TSHZ2: variants seen among roughly 807,000 people sequenced by gnomAD.
The protein encoded by TSHZ2 is teashirt zinc finger homeobox 2.
A neutral mutation model predicts 74.4 loss-of-function variants in TSHZ2; 21 were observed. The ratio of observed to expected loss-of-function variants is 0.28; its 90% CI spans 0.20 to 0.41. The LOEUF (loss-of-function observed/expected upper bound fraction) is 0.41, where lower values mean the gene tolerates loss of function less well. Among genes scored for constraint, TSHZ2 ranks in the 10% least tolerant of loss-of-function variants. The pLI, the probability that TSHZ2 is intolerant of heterozygous loss-of-function variation, is 1.00. For synonymous variants in TSHZ2, 540 were observed against 515.3 expected (o/e 1.05, Z -0.65); for missense variants, 1,244 against 1,293.5 (o/e 0.96, Z 0.59).
chr20:53,182,645 G>C (rs968090864), intron 1 of TSHZ2, among the ~76,000 whole-genome samples: 3 of 152,098 alleles, frequency 2.0e-5, no homozygotes, highest in African/African-American at 7.2e-5. Flanking sequence ...TCTAACTTTT[G>C]GTAATCTGAA....
At chr20:53,411,583 C>T (rs571566820) in intron 2 of TSHZ2, among the ~76,000 whole-genome samples, 1 of 152,264 alleles carries the variant, frequency 6.6e-6, no homozygotes, top group Non-Finnish European at 1.5e-5. Flanking sequence ...AATCCCAGCA[C>T]TTCGAGAGGC....
At chr20:53,237,765 C>T (rs1049829014) in intron 1 of TSHZ2, among the ~76,000 whole-genome samples, 10 of 152,042 alleles carry the variant, frequency 6.6e-5, no homozygotes, top group Non-Finnish European at 1.2e-4. Context: ...TGTATATGGA[C>T]GATTTAAAGC....
In TSHZ2 at chr20:53,129,352, G is replaced by A. The variant is rs148765938; in HGVS notation, c.41-124147G>A. On this transcript the variant is annotated intron_variant, in intron 1 of 2. Transcript: ENST00000371497. Reference sequence around the variant, plus strand: ...TGATGTTTTGATCTAGGCATACAGGGATTGGTTACTTTTTTAAAAATCGGG... The same window carrying A: ...TGATGTTTTGATCTAGGCATACAGGAATTGGTTACTTTTTTAAAAATCGGG... Among the ~76,000 whole-genome samples the A allele has an allele frequency of 4.5e-3, 687 of 152,158 alleles. 6 individuals carry two copies. Among genetic ancestry groups the A allele is most frequent in the African/African-American group, 0.016 (648 of 41,520 alleles).
chr20:53,194,175 T>G (rs543599451), intron 1 of TSHZ2, among the ~76,000 whole-genome samples: 2 of 152,336 alleles, frequency 1.3e-5, no homozygotes, highest in East Asian at 3.9e-4. Context: ...CGAACTCTTC[T>G]GTTTTGTTTT....
chr20:52,973,354 T>C (rs1021454175), intron 1 of TSHZ2, 21 bp downstream of exon 1: 133 of 1,550,944 alleles, frequency 8.6e-5, no homozygotes, highest in Non-Finnish European at 1.2e-4. Context: ...CGGCTCCGCT[T>C]CGGGGCTGCC....
chr20:53,091,282 G>A (rs146205717), intron 1 of TSHZ2, among the ~76,000 whole-genome samples: 18 of 152,234 alleles, frequency 1.2e-4, no homozygotes, highest in Admixed American at 2.0e-4. Flanking sequence ...GTTCTATAAC[G>A]GCAACATTGG....
chr20:53,202,152 A>G (rs1023793754), intron 1 of TSHZ2, among the ~76,000 whole-genome samples: 5 of 152,200 alleles, frequency 3.3e-5, no homozygotes, highest in Non-Finnish European at 1.5e-5. Flanking sequence ...CTGGAGGACA[A>G]AGGCAGTAGC....
intron 2 of TSHZ2, among the ~76,000 whole-genome samples, chr20:53,356,461 G>A (rs1980850704): frequency 6.6e-6 from 1 of 152,152 alleles, no homozygotes; most frequent in Non-Finnish European, 1.5e-5. Context: ...ACAGCCTGCT[G>A]TCACCATCTT....
At chr20:53,323,727 C>A (rs1003272930) in intron 2 of TSHZ2, among the ~76,000 whole-genome samples, 1 of 151,722 alleles carries the variant, frequency 6.6e-6, no homozygotes, top group Non-Finnish European at 1.5e-5. Context: ...AGGCGCACAC[C>A]ACCACACCCA....
intron 1 of TSHZ2, among the ~76,000 whole-genome samples, chr20:53,216,789 T>C (rs748628722): frequency 6.6e-6 from 1 of 152,224 alleles, no homozygotes; most frequent in Non-Finnish European, 1.5e-5. Context: ...GGGTTGTTCT[T>C]CTCTGAACTT....
intron 1 of TSHZ2, among the ~76,000 whole-genome samples, chr20:53,228,254 C>T (rs998056761): frequency 6.6e-6 from 1 of 151,950 alleles, no homozygotes; most frequent in Admixed American, 6.6e-5. Context: ...TCCCTTTCAA[C>T]GTTGATGAAA....
intron 2 of TSHZ2, among the ~76,000 whole-genome samples, chr20:53,439,144 A>G (rs2145751869): frequency 6.6e-6 from 1 of 152,302 alleles, no homozygotes; most frequent in East Asian, 1.9e-4. Context: ...TTTAAAATGT[A>G]CCTACTGACT....
At position 53,051,457 on chromosome 20, in the gene TSHZ2, GCACACA is replaced by G. The variant is rs11474223; in HGVS notation, c.40+78157_40+78162del. On this transcript the variant is annotated intron_variant, in intron 1 of 2. Coordinates refer to ENST00000371497, the MANE Select transcript of TSHZ2 (RefSeq NM_173485.6). ...CTTATCATATTACTCTGTGGCGCAC[GCACACA>G]CACACACACACACACACACACACAC... Among the ~76,000 whole-genome samples the G allele has an allele frequency of 6.1e-3, 886 of 145,204 alleles. 5 individuals carry two copies. The highest frequency in any genetic ancestry group is 0.019 in the African/African-American group (763 of 40,002).
chr20:52,992,577 A>T (rs1982032903), intron 1 of TSHZ2, among the ~76,000 whole-genome samples: 1 of 152,196 alleles, frequency 6.6e-6, no homozygotes, highest in Non-Finnish European at 1.5e-5. Context: ...GTCAAACTGC[A>T]GCCACAAATG....
intron 1 of TSHZ2, among the ~76,000 whole-genome samples, chr20:53,228,295 A>G (rs183820573): frequency 8.5e-5 from 13 of 152,304 alleles, no homozygotes; most frequent in Non-Finnish European, 1.3e-4. Flanking sequence ...CTCATCTCCA[A>G]CTGACTTTTT....
At chr20:53,325,721 A>G (rs1979462435) in intron 2 of TSHZ2, among the ~76,000 whole-genome samples, 1 of 152,104 alleles carries the variant, frequency 6.6e-6, no homozygotes, top group Non-Finnish European at 1.5e-5. Flanking sequence ...TTTTGTACCA[A>G]TGGAAATAGG....
intron 1 of TSHZ2, among the ~76,000 whole-genome samples, chr20:52,989,931 T>G (rs933176190): frequency 6.6e-6 from 1 of 151,528 alleles, no homozygotes; most frequent in African/African-American, 2.4e-5. Flanking sequence ...AAAAGAGAGA[T>G]GATAGGTTTT....
chr20:53,155,672 T>C (rs1490884632), intron 1 of TSHZ2, among the ~76,000 whole-genome samples: 1 of 152,020 alleles, frequency 6.6e-6, no homozygotes, highest in East Asian at 1.9e-4. Context: ...ATGACTTCAC[T>C]TTTTAGGACC....
At chr20:53,155,073 TTTA>T (rs1471917126) in intron 1 of TSHZ2, among the ~76,000 whole-genome samples, 17 of 149,352 alleles carry the variant, frequency 1.1e-4, no homozygotes, top group African/African-American at 3.8e-4. Flanking sequence ...TTTTTTTTTT[TTTA>T]GTTTTGTCAG....
Sources: allele counts gnomAD v4.1 joint callset (sites outside exome capture counted in the v4.1 genomes callset), GRCh38; gene constraint gnomAD v4.1.1; transcripts MANE v1.5; gene names NCBI Gene and HGNC (gene_info 2026-07-23, HGNC 2026-07-21).